KYNU: variants seen among roughly 807,000 people sequenced by gnomAD.
The protein encoded by KYNU is kynureninase.
KYNU carries 54 observed loss-of-function variants against 59.2 expected under a neutral mutation model. That is an observed-to-expected ratio of 0.91 (90% confidence interval 0.73 to 1.14). KYNU has a LOEUF of 1.14. Among genes scored for constraint, KYNU ranks in the 50% most tolerant of loss-of-function variants. The pLI is 0.00. For synonymous variants in KYNU, 177 were observed against 192.0 expected (o/e 0.92, Z 0.65); for missense variants, 567 against 554.4 (o/e 1.02, Z -0.23).
chr2:142,897,996 G>C (rs1681939456), intron 2 of KYNU, among the ~76,000 whole-genome samples: 1 of 152,012 alleles, frequency 6.6e-6, no homozygotes. Context: ...CAACTTCCTG[G>C]ACTCAATCGA....
At chr2:142,955,018 C>G (rs978331692) in intron 5 of KYNU, 147 bp downstream of exon 5, 6 of 628,690 alleles carry the variant, frequency 9.5e-6, no homozygotes, top group Non-Finnish European at 1.4e-5. Flanking sequence ...AATGCTGGAC[C>G]ATGATATAAT....
At chr2:142,907,683 T>TC (rs373109900) in intron 2 of KYNU, among the ~76,000 whole-genome samples, 9,990 of 149,188 alleles carry the variant, frequency 0.067, 416 homozygotes, top group Non-Finnish European at 0.082. Flanking sequence ...CTGATCATTG[T>TC]CCCCCCGTTG....
intron 4 of KYNU, among the ~76,000 whole-genome samples, chr2:142,939,673 C>T (rs539349748): frequency 2.0e-5 from 3 of 150,650 alleles, no homozygotes; most frequent in South Asian, 2.1e-4. Context: ...GAAAATTCTC[C>T]GTTCTATGAC....
intron 4 of KYNU, among the ~76,000 whole-genome samples, chr2:142,951,573 A>G (rs529829496): frequency 6.6e-6 from 1 of 152,350 alleles, no homozygotes; most frequent in South Asian, 2.1e-4. Context: ...ACTAAAAATC[A>G]GTCTGTTGTA....
At chr2:142,960,475 C>T in intron 7 of KYNU, 149 bp from the exon 8 acceptor site, 9 of 576,568 alleles carry the variant, frequency 1.6e-5, no homozygotes, top group Non-Finnish European at 2.6e-5. Flanking sequence ...TCAAATGCTG[C>T]TCTTATGCCA....
At position 143,052,338 on chromosome 2, in the gene KYNU, A is replaced by G. The variant is rs1292008151; in HGVS notation, c.*10166A>G. On this transcript the variant is annotated 3_prime_UTR_variant, in exon 14 of 14. Transcript: ENST00000264170. ...AAGGAAAACCAATTTTCTGAGGAGA[A>G]ATTTAAGCTGGCTGCAGACATTTAC... 6 of 152,248 alleles carry G rather than the reference A, an allele frequency of 3.9e-5. No individual in the cohort carries two copies. Among genetic ancestry groups the G allele is most frequent in the African/African-American group, 1.4e-4 (6 of 41,448 alleles). The allele number at this position is 152,248 out of a possible 1,614,324, so 9.4% of individuals were successfully genotyped here.
chr2:143,035,548 G>A (rs574560341), intron 12 of KYNU, among the ~76,000 whole-genome samples: 3 of 152,292 alleles, frequency 2.0e-5, no homozygotes, highest in African/African-American at 7.2e-5. Context: ...GTAAACATCA[G>A]TGAATTAACT....
Position 143,040,335 on chromosome 2 carries a change from T to C in KYNU, c.1042-93T>C, listed in dbSNP as rs965498498. The C allele has an allele frequency of 4.6e-5, 38 of 823,520 alleles. No homozygotes were observed. The Admixed American group carries it at 7.1e-4, about 15-fold the overall frequency. 51.0% of individuals were successfully genotyped at this position (823,520 alleles called of 1,614,324 possible). ...AGATATTTATTGGAAAGATCAAATA[T>C]GGGCATTTCCTTTTTATGCATGATT... On this transcript the variant is annotated intron_variant, in intron 12 of 13. Transcript: ENST00000264170.
intron 8 of KYNU, among the ~76,000 whole-genome samples, chr2:142,976,367 A>G (rs749928039): frequency 5.9e-5 from 9 of 152,176 alleles, no homozygotes; most frequent in Non-Finnish European, 8.8e-5. Flanking sequence ...TCTCCCAAGT[A>G]TATTCATGGC....
chr2:142,986,414 G>A (rs1685200257), intron 10 of KYNU, among the ~76,000 whole-genome samples: 2 of 151,822 alleles, frequency 1.3e-5, no homozygotes, highest in Admixed American at 6.6e-5. Flanking sequence ...AATGTGGCAT[G>A]TTATTATTAA....
At chr2:143,025,069 T>C (rs1231469152) in intron 10 of KYNU, among the ~76,000 whole-genome samples, 1 of 152,148 alleles carries the variant, frequency 6.6e-6, no homozygotes, top group African/African-American at 2.4e-5. Flanking sequence ...TCTAGTTCTT[T>C]CCTGATTTCT....
chr2:142,937,560 C>A (rs577580617), intron 4 of KYNU, among the ~76,000 whole-genome samples: 8 of 151,704 alleles, frequency 5.3e-5, no homozygotes, highest in Non-Finnish European at 1.0e-4. Flanking sequence ...ATGAGTCAGG[C>A]AGCCTCTCAA....
chr2:143,026,955 CTG>C (rs1686592553), intron 10 of KYNU, among the ~76,000 whole-genome samples: 1 of 152,136 alleles, frequency 6.6e-6, no homozygotes, highest in African/African-American at 2.4e-5. Flanking sequence ...CTGGCTGAGT[CTG>C]GGATTAATAT....
chr2:142,928,453 A>G (rs541054832), intron 4 of KYNU, among the ~76,000 whole-genome samples: 6 of 152,344 alleles, frequency 3.9e-5, no homozygotes, highest in African/African-American at 1.2e-4. Flanking sequence ...TCAAGTTTTC[A>G]AATCCTTTTT....
intron 10 of KYNU, among the ~76,000 whole-genome samples, chr2:143,004,822 A>G (rs1685822032): frequency 6.6e-6 from 1 of 152,204 alleles, no homozygotes; most frequent in African/African-American, 2.4e-5. Flanking sequence ...ACTTAGAGTG[A>G]TGAAATCATA....
At chr2:142,991,129 G>A (rs1414548620) in intron 10 of KYNU, among the ~76,000 whole-genome samples, 2 of 151,894 alleles carry the variant, frequency 1.3e-5, no homozygotes, top group African/African-American at 4.8e-5. Flanking sequence ...AGTTAACATT[G>A]TATGAAGAGA....
intron 4 of KYNU, among the ~76,000 whole-genome samples, chr2:142,954,374 C>T (rs1489909547): frequency 6.6e-6 from 1 of 151,952 alleles, no homozygotes; most frequent in Non-Finnish European, 1.5e-5. Flanking sequence ...AAGTTTGCCT[C>T]CTTTTATAAA....
chr2:142,929,037 C>G lies in KYNU; in HGVS notation c.373+1296C>G, dbSNP rs183025473. Among the ~76,000 whole-genome samples, 711 of 115,860 alleles carry G rather than the reference C, an allele frequency of 6.1e-3. 5 individuals are homozygous for G. Among genetic ancestry groups the G allele is most frequent in the African/African-American group, 0.022 (663 of 30,320 alleles). 76.0% of individuals were successfully genotyped at this position (115,860 alleles called of 152,430 possible). On this transcript the variant is annotated intron_variant, in intron 4 of 13. Coordinates refer to ENST00000264170, the MANE Select transcript of KYNU (RefSeq NM_003937.3). The stretch of plus-strand genomic sequence containing the variant: ...AAAAAAAAAAAAAACAAAAAACGAA[C>G]AACACTCACCTTCCTTATCCTCATA...
chr2:142,972,511 A>G (rs1684755472), intron 8 of KYNU, among the ~76,000 whole-genome samples: 1 of 152,166 alleles, frequency 6.6e-6, no homozygotes, highest in African/African-American at 2.4e-5. Context: ...GTGAATGATA[A>G]TAGCTACAGT....
Sources: allele counts gnomAD v4.1 joint callset (sites outside exome capture counted in the v4.1 genomes callset), GRCh38; gene constraint gnomAD v4.1.1; transcripts MANE v1.5; gene names NCBI Gene and HGNC (gene_info 2026-07-23, HGNC 2026-07-21).